PPFIA2: variants seen among roughly 807,000 people sequenced by gnomAD.
PPFIA2 encodes the protein PPFI scaffold protein A2.
A neutral mutation model predicts 175.5 loss-of-function variants in PPFIA2; 46 were observed. That is an observed-to-expected ratio of 0.26 (90% CI 0.21 to 0.34). The LOEUF (loss-of-function observed/expected upper bound fraction) is 0.34. Among genes scored for constraint, PPFIA2 ranks in the 10% least tolerant of loss-of-function variants. PPFIA2 has a pLI of 1.00. For missense variants in PPFIA2, 1,179 were observed against 1,506.1 expected (o/e 0.78, Z 3.60); for synonymous variants, 568 against 511.4 (o/e 1.11, Z -1.49).
intron 4 of PPFIA2, among the ~76,000 whole-genome samples, chr12:81,576,332 A>G (rs1177771345): frequency 6.6e-6 from 1 of 151,764 alleles, no homozygotes; most frequent in African/African-American, 2.4e-5. Context: ...CAGTCCAGAC[A>G]CATGGCTGCA....
At chr12:81,406,815 C>A (rs1349523045) in intron 7 of PPFIA2, among the ~76,000 whole-genome samples, 2 of 151,972 alleles carry the variant, frequency 1.3e-5, no homozygotes, top group African/African-American at 4.8e-5. Context: ...GTATTTAGTG[C>A]ACAATAAGAT....
At chr12:81,476,951 C>A (rs2146511035) in intron 4 of PPFIA2, among the ~76,000 whole-genome samples, 1 of 152,112 alleles carries the variant, frequency 6.6e-6, no homozygotes, top group South Asian at 2.1e-4. Flanking sequence ...AGCAAGCTAA[C>A]CCAGGAACAG....
rs147805860 is a variant in PPFIA2, at chr12:81,442,078, A to G, written c.571-2032T>C. On this transcript the variant is annotated intron_variant, in intron 6 of 32. Coordinates refer to ENST00000549396, the MANE Select transcript of PPFIA2 (RefSeq NM_003625.5). ...TTCCAAACTGTTTTCTATTTACTAC[A>G]AGTTAAGCATTTATATTTTCATTAT... Among the ~76,000 whole-genome samples the G allele has an allele frequency of 1.6e-3, 241 of 152,148 alleles. 3 individuals carry two copies. In the East Asian group the frequency reaches 0.028, roughly 18 times the overall value.
At chr12:81,280,005 T>TA (rs1376173365) in intron 27 of PPFIA2, among the ~76,000 whole-genome samples, 17 of 152,212 alleles carry the variant, frequency 1.1e-4, no homozygotes, top group Non-Finnish European at 1.9e-4. Context: ...TAAGAAAACT[T>TA]ACTTATTTAA....
intron 4 of PPFIA2, among the ~76,000 whole-genome samples, chr12:81,618,686 G>A (rs1203431957): frequency 1.3e-5 from 2 of 150,978 alleles, no homozygotes; most frequent in Non-Finnish European, 2.9e-5. Flanking sequence ...CAGCCACCAC[G>A]CCCAGCTAAT....
At chr12:81,679,791 T>A (rs946797639) in intron 3 of PPFIA2, among the ~76,000 whole-genome samples, 3 of 151,996 alleles carry the variant, frequency 2.0e-5, no homozygotes, top group African/African-American at 7.2e-5. Context: ...AGGTCCAAGT[T>A]AAACACGGCT....
chr12:81,290,817 CCA>C (rs1481725006), intron 24 of PPFIA2, among the ~76,000 whole-genome samples: 2 of 151,674 alleles, frequency 1.3e-5, no homozygotes, highest in African/African-American at 4.8e-5. Context: ...ATGGAAATAA[CCA>C]CAGTTTATGC....
chr12:81,532,806 G>A (rs1240162414), intron 4 of PPFIA2, among the ~76,000 whole-genome samples: 1 of 151,532 alleles, frequency 6.6e-6, no homozygotes, highest in African/African-American at 2.4e-5. Context: ...TTTTCCTCAT[G>A]CCATAACCTC....
At chr12:81,324,290 G>A (rs954285487) in intron 22 of PPFIA2, among the ~76,000 whole-genome samples, 1 of 151,950 alleles carries the variant, frequency 6.6e-6, no homozygotes, top group African/African-American at 2.4e-5. Flanking sequence ...CTGTATAATT[G>A]AAATGTTTAA....
rs774482897 is a variant in PPFIA2 at position 81,339,241 on chromosome 12, T to C, written c.2487A>G (p.Gly829=). The C allele has an allele frequency of 6.2e-7, 1 of 1,611,022 alleles. No homozygotes were observed. The highest frequency in any genetic ancestry group is 8.5e-7 in the Non-Finnish European group (1 of 1,178,370). ...DSLHKAPKKK[G]IKSSIGRLFG... is the part of the protein sequence containing the mutation. ...ACAAACGTCCTATTGAAGACTTGAT[T>C]CCTTTCTTCTTGGGGGCTTTGTGAA... The change falls in exon 21 of 33, where the codon GGA becomes GGG. Residue 829 remains glycine, a synonymous_variant. Coordinates refer to ENST00000549396, the MANE Select transcript of PPFIA2 (RefSeq NM_003625.5).
At chr12:81,521,588 C>A (rs1373814479) in intron 4 of PPFIA2, among the ~76,000 whole-genome samples, 2 of 147,668 alleles carry the variant, frequency 1.4e-5, no homozygotes, top group Non-Finnish European at 3.0e-5. Flanking sequence ...GACGCCGAGG[C>A]GGGCAGATCA....
At chr12:81,417,017 T>C (rs2045400156) in intron 7 of PPFIA2, among the ~76,000 whole-genome samples, 1 of 151,820 alleles carries the variant, frequency 6.6e-6, no homozygotes, top group Non-Finnish European at 1.5e-5. Flanking sequence ...ATATTTCATT[T>C]ACTTTATGTA....
chr12:81,506,546 T>C (rs1013581543), intron 4 of PPFIA2, among the ~76,000 whole-genome samples: 6 of 152,216 alleles, frequency 3.9e-5, no homozygotes, highest in East Asian at 1.9e-4. Context: ...CAACTAACTT[T>C]TGATGAATTG....
At chr12:81,664,297 A>C (rs1206138446) in intron 4 of PPFIA2, among the ~76,000 whole-genome samples, 2 of 152,150 alleles carry the variant, frequency 1.3e-5, no homozygotes, top group Non-Finnish European at 2.9e-5. Flanking sequence ...TCATCTGACA[A>C]AGGGCTAATA....
intron 7 of PPFIA2, among the ~76,000 whole-genome samples, chr12:81,437,287 T>C (rs1490709214): frequency 6.6e-6 from 1 of 152,162 alleles, no homozygotes; most frequent in Non-Finnish European, 1.5e-5. Context: ...TGGAGTGCAG[T>C]GGCGCGATCT....
intron 6 of PPFIA2, among the ~76,000 whole-genome samples, chr12:81,443,845 CTTTTTTTTTTTTTT>C (rs1183160145): frequency 7.0e-5 from 5 of 71,164 alleles, no homozygotes; most frequent in Non-Finnish European, 1.4e-4. Context: ...GCCAACCTTT[CTTTTTTTTTTTTTT>C]TTTTTTTTTT....
chr12:81,691,778 A>G (rs951707078), intron 3 of PPFIA2, among the ~76,000 whole-genome samples: 2 of 152,248 alleles, frequency 1.3e-5, no homozygotes, highest in Admixed American at 6.5e-5. Flanking sequence ...GTAACTTTTG[A>G]CCAGGGGAAA....
intron 4 of PPFIA2, among the ~76,000 whole-genome samples, chr12:81,498,097 A>C (rs574098980): frequency 5.9e-5 from 9 of 152,218 alleles, no homozygotes; most frequent in Non-Finnish European, 1.3e-4. Flanking sequence ...AGCAAGCTGT[A>C]GTCTGTCACA....
intron 3 of PPFIA2, among the ~76,000 whole-genome samples, chr12:81,740,816 A>T (rs977689033): frequency 1.3e-5 from 2 of 152,174 alleles, no homozygotes; most frequent in African/African-American, 4.8e-5. Context: ...TGACAGAATA[A>T]CAATAAGAGC....
Sources: allele counts gnomAD v4.1 joint callset (sites outside exome capture counted in the v4.1 genomes callset), GRCh38; gene constraint gnomAD v4.1.1; transcripts MANE v1.5; gene names NCBI Gene and HGNC (gene_info 2026-07-23, HGNC 2026-07-21).